CNGB3: variants seen among roughly 807,000 people sequenced by gnomAD.
CNGB3 encodes the protein cyclic nucleotide-gated channel beta-3.
Under a neutral mutation model 92.8 loss-of-function variants are expected in CNGB3, and 86 were observed. That is an observed-to-expected ratio of 0.93 (90% CI 0.78 to 1.11). The LOEUF (loss-of-function observed/expected upper bound fraction) is 1.11, where lower values mean the gene tolerates loss of function less well. Ranked by LOEUF, CNGB3 falls within the 50% of genes least tolerant of loss-of-function variation. The pLI is 0.00. For synonymous variants in CNGB3, 333 were observed against 332.7 expected (o/e 1.00, Z -0.01); for missense variants, 1,026 against 956.8 (o/e 1.07, Z -0.95).
chr8:86,631,901 C>T (rs920232428), intron 11 of CNGB3, among the ~76,000 whole-genome samples: 3 of 152,264 alleles, frequency 2.0e-5, no homozygotes, highest in South Asian at 2.1e-4. Context: ...GTTTCTCCCA[C>T]GGTTAGAGAT....
chr8:86,650,806 T>G (rs1165115807), intron 7 of CNGB3, among the ~76,000 whole-genome samples: 1 of 151,288 alleles, frequency 6.6e-6, no homozygotes, highest in Non-Finnish European at 1.5e-5. Flanking sequence ...GCAATCCCAC[T>G]ACTGGCTATC....
At chr8:86,630,887 G>T (rs532947920) in intron 11 of CNGB3, among the ~76,000 whole-genome samples, 1 of 152,106 alleles carries the variant, frequency 6.6e-6, no homozygotes, top group Admixed American at 6.6e-5. Context: ...TAAAAAAAGA[G>T]TGATGATTAG....
At chr8:86,714,855 G>A (rs1337810128) in intron 3 of CNGB3, among the ~76,000 whole-genome samples, 2 of 152,092 alleles carry the variant, frequency 1.3e-5, no homozygotes, top group Non-Finnish European at 2.9e-5. Flanking sequence ...GGGAGCGGGT[G>A]AGGCCTGTGA....
chr8:86,708,323 G>T (rs1824686606), intron 3 of CNGB3, among the ~76,000 whole-genome samples: 1 of 152,082 alleles, frequency 6.6e-6, no homozygotes, highest in Non-Finnish European at 1.5e-5. Flanking sequence ...AGCAGTCAAA[G>T]GAGTGTGCTC....
At chr8:86,677,150 GC>G (rs1823992501) in intron 3 of CNGB3, among the ~76,000 whole-genome samples, 1 of 152,158 alleles carries the variant, frequency 6.6e-6, no homozygotes, top group African/African-American at 2.4e-5. Flanking sequence ...TTCTCCCTCA[GC>G]TCTTTCAAAA....
At chr8:86,739,620 G>GTT (rs78198409) in intron 2 of CNGB3, 35 bp downstream of exon 2, 21,998 of 1,459,750 alleles carry the variant, frequency 0.015, 1 homozygote, top group South Asian at 0.042. Context: ...TCACTTTTTA[G>GTT]TTTTTTTTTT....
At chr8:86,601,519 TA>T (rs1193473418) in intron 15 of CNGB3, among the ~76,000 whole-genome samples, 48 of 152,008 alleles carry the variant, frequency 3.2e-4, no homozygotes, top group African/African-American at 9.9e-4. Context: ...TGTTTTTCTT[TA>T]TTTTTTTTTT....
At chr8:86,664,675 T>C (rs991516153) in intron 6 of CNGB3, among the ~76,000 whole-genome samples, 2 of 152,232 alleles carry the variant, frequency 1.3e-5, no homozygotes, top group African/African-American at 4.8e-5. Context: ...GTAAGAATGC[T>C]AATTTCTTAG....
chr8:86,578,358 G>A (rs1821697854), intron 17 of CNGB3, among the ~76,000 whole-genome samples: 3 of 152,242 alleles, frequency 2.0e-5, no homozygotes, highest in Admixed American at 1.3e-4. Context: ...AAAGCACCAT[G>A]AGTATTGATT....
intron 13 of CNGB3, among the ~76,000 whole-genome samples, chr8:86,620,099 C>G (rs1822695787): frequency 6.6e-6 from 1 of 152,100 alleles, no homozygotes; most frequent in Non-Finnish European, 1.5e-5. Context: ...TGGTAGAGAA[C>G]TGAAGGTAAG....
chr8:86,578,213 G>C (rs1178480870), intron 17 of CNGB3, among the ~76,000 whole-genome samples: 5 of 152,036 alleles, frequency 3.3e-5, no homozygotes, highest in Admixed American at 6.6e-5. Flanking sequence ...CCGGCCAAGG[G>C]TCATTCGTTT....
At chr8:86,588,059 T>C (rs1229947535) in intron 15 of CNGB3, among the ~76,000 whole-genome samples, 2 of 139,998 alleles carry the variant, frequency 1.4e-5, no homozygotes, top group Non-Finnish European at 3.1e-5. Context: ...TTCACATCCC[T>C]TGTAAGTTGG....
At chr8:86,629,214 T>C in intron 11 of CNGB3, 136 bp from the exon 12 acceptor site, 1 of 1,108,890 alleles carries the variant, frequency 9.0e-7, no homozygotes. Flanking sequence ...TCATTTTTAT[T>C]TTATTTATTC....
At chr8:86,591,987 G>T (rs1585953881) in intron 15 of CNGB3, among the ~76,000 whole-genome samples, 1 of 152,218 alleles carries the variant, frequency 6.6e-6, no homozygotes, top group South Asian at 2.1e-4. Flanking sequence ...CTAGCAATCA[G>T]CGAGACTCCG....
intron 10 of CNGB3, among the ~76,000 whole-genome samples, chr8:86,634,030 G>T (rs1482463210): frequency 6.6e-6 from 1 of 152,050 alleles, no homozygotes; most frequent in African/African-American, 2.4e-5. Flanking sequence ...TTGAACAATT[G>T]CAAATGAAGA....
chr8:86,703,549 G>A (rs546519755), intron 3 of CNGB3, among the ~76,000 whole-genome samples: 2 of 152,322 alleles, frequency 1.3e-5, no homozygotes, highest in East Asian at 3.9e-4. Flanking sequence ...AGAGGGCAGT[G>A]TGAGTGCATG....
intron 6 of CNGB3, chr8:86,658,469 C>G: frequency 2.4e-6 from 1 of 412,370 alleles, no homozygotes; most frequent in South Asian, 2.3e-5. Flanking sequence ...GGCAGGCCAT[C>G]TTGGCCACGA....
rs80032739 is a variant in CNGB3 at position 86,724,883 on chromosome 8, C to T, written c.338+1648G>A. 7.2e-5 allele frequency among the ~76,000 whole-genome samples: 11 copies of T among 151,964 alleles called. 1 individual carries two copies. Among genetic ancestry groups the T allele is most frequent in the Non-Finnish European group, 1.6e-4 (11 of 67,996 alleles). ...TGAAATAGAACAGGTGTGACTGGAG[C>T]AGAGAGGTGGGAAAGTTGTGTGTTG... On this transcript the variant is annotated intron_variant, in intron 3 of 17. Transcript: ENST00000320005.
Position 86,667,094 on chromosome 8 carries a change from G to GC in CNGB3, c.682dup (p.Ala228GlyfsTer3), listed in dbSNP as rs1554614038. The GC allele has an allele frequency of 6.2e-7, 1 of 1,614,000 alleles. No individual in the cohort carries two copies. Among genetic ancestry groups the GC allele is most frequent in the Non-Finnish European group, 8.5e-7 (1 of 1,179,920 alleles). On this transcript the variant is annotated frameshift_variant, in exon 6 of 18. Coordinates refer to ENST00000320005, the MANE Select transcript of CNGB3 (RefSeq NM_019098.5). LOFTEE classifies it high-confidence loss of function. The stretch of plus-strand genomic sequence containing the variant: ...TATAAAACAGCAGTTCCAGTTATAG[G>GC]CAAGAGTGACAAGCAAGAGCCACAG...
Sources: allele counts gnomAD v4.1 joint callset (sites outside exome capture counted in the v4.1 genomes callset), GRCh38; gene constraint gnomAD v4.1.1; transcripts MANE v1.5; gene names NCBI Gene and HGNC (gene_info 2026-07-23, HGNC 2026-07-21).